Variants in TLE2 observed in about 807,000 individuals in gnomAD.
TLE2 encodes the protein transducin-like enhancer protein 2.
In TLE2, 74 loss-of-function variants were observed where a neutral mutation model predicts 97.2. The observed-to-expected ratio is 0.76, with a 90% CI of 0.63 to 0.92. The LOEUF (loss-of-function observed/expected upper bound fraction) is 0.92, where lower values mean the gene tolerates loss of function less well. Among genes scored for constraint, TLE2 ranks in the 40% least tolerant of loss-of-function variants. The probability of loss-of-function intolerance (pLI) is 0.00; values close to 1 mark genes in which losing one functional copy is unlikely to be tolerated. For missense variants in TLE2, 1,038 were observed against 1,008.7 expected, an observed-to-expected ratio of 1.03 and a Z score of -0.39; for synonymous variants, 499 against 432.1, an observed-to-expected ratio of 1.15 and a Z score of -1.92.
intron 1 of TLE2, among the ~76,000 whole-genome samples, chr19:3,036,248 T>C (rs532994408): frequency 6.6e-6 from 1 of 151,394 alleles, no homozygotes. Context: ...AGAGCACGGG[T>C]TTTCAGAAAA....
intron 1 of TLE2, among the ~76,000 whole-genome samples, chr19:3,038,593 A>T (rs1287657542): frequency 6.6e-6 from 1 of 152,108 alleles, no homozygotes; most frequent in East Asian, 1.9e-4. Context: ...CATTGCACCC[A>T]CATCCTTGAT....
At chr19:3,036,468 GCCTTTGGCTTCCGA>G (rs1265130192) in intron 1 of TLE2, among the ~76,000 whole-genome samples, 2 of 152,196 alleles carry the variant, frequency 1.3e-5, no homozygotes, top group Non-Finnish European at 2.9e-5. Flanking sequence ...GGGAGGCCAA[GCCTTTGGCTTCCGA>G]CACCGCCAAC....
intron 17 of TLE2, among the ~76,000 whole-genome samples, chr19:3,004,382 G>A (rs1001500120): frequency 3.3e-5 from 5 of 151,864 alleles, no homozygotes; most frequent in African/African-American, 9.7e-5. Context: ...GCTCAGGCCT[G>A]TAATTCCCAC....
rs2089750486 is a variant in TLE2 at position 3,017,968 on chromosome 19, C to T, written c.551-109G>A. The T allele has an allele frequency of 4.2e-6, 4 of 961,138 alleles. No homozygotes were observed. The South Asian group carries it at 6.5e-5, about 16-fold the overall frequency. The allele number at this position is 961,138 out of a possible 1,614,324, so 59.5% of individuals were successfully genotyped here. A position where few individuals can be genotyped will look rare whatever the true frequency, so the allele number is the denominator to read the frequency against. On this transcript the variant is annotated intron_variant, in intron 7 of 19. Coordinates refer to ENST00000262953, the MANE Select transcript of TLE2 (RefSeq NM_003260.5). ...CAGTTTATAAAGCCCCCCGCCCCCA[C>T]CACCCCACTCAGAGTCTCTCTACCC...
Position 3,028,389 on chromosome 19 carries a change from A to C in TLE2, c.123-7T>G, listed in dbSNP as rs1335496007. 1.2e-6 allele frequency: 2 copies of C among 1,600,308 alleles called. No homozygotes were observed. The highest frequency in any genetic ancestry group is 1.7e-6 in the Non-Finnish European group (2 of 1,172,946). Reference sequence around the variant, plus strand: ...CTCACATTCTAGCTTGAGGCTGAGAAGAAGAGAGAGGGCAAGGGGCTCCCA... The same window carrying C: ...CTCACATTCTAGCTTGAGGCTGAGACGAAGAGAGAGGGCAAGGGGCTCCCA... On this transcript the variant is annotated splice_region_variant and splice_polypyrimidine_tract_variant and intron_variant, in intron 2 of 19. Coordinates refer to ENST00000262953, the MANE Select transcript of TLE2 (RefSeq NM_003260.5).
At chr19:3,028,566 C>G in intron 2 of TLE2, 140 bp downstream of exon 2, 2 of 1,082,038 alleles carry the variant, frequency 1.8e-6, no homozygotes, top group Non-Finnish European at 2.7e-6. Context: ...GACCCCTCTG[C>G]ACCTGCGCTT....
At chr19:3,013,904 CA>C in intron 10 of TLE2, 86 bp from the exon 11 acceptor site, 2 of 1,286,612 alleles carry the variant, frequency 1.6e-6, no homozygotes, top group African/African-American at 1.5e-5. Context: ...ACTCCCACCC[CA>C]ATCTCTAGAA....
intron 17 of TLE2, among the ~76,000 whole-genome samples, chr19:3,003,359 C>T (rs1017893036): frequency 2.0e-5 from 3 of 151,896 alleles, no homozygotes; most frequent in African/African-American, 4.8e-5. Context: ...AGGCCTTGGC[C>T]GGGCTCTGTG....
At chr19:3,038,376 T>C (rs4807389) in intron 1 of TLE2, among the ~76,000 whole-genome samples, 35,889 of 151,948 alleles carry the variant, frequency 0.24, 4,327 homozygotes, top group East Asian at 0.31. Flanking sequence ...ACTCAGCTAA[T>C]TTAAAAAAAA....
In TLE2 at chr19:3,009,549, G is replaced by A; in HGVS notation, c.1166C>T (p.Ser389Phe). The change falls in exon 13 of 20, where the codon TCC becomes TTC. Residue 389 changes from serine (S) to phenylalanine (F), a missense_variant. By Grantham distance (155) the Ser-to-Phe change is radical. Transcript: ENST00000262953. ...QVSSSVVYGRSPVMAFESHPH... is the reference protein window; with the variant it reads ...QVSSSVVYGRFPVMAFESHPH... ...CCCCACCCAAGGACTCACCACGGGGGAGCGTCCGTACACCACAGAGCTGCT... is the reference window on the plus strand; with the variant it reads ...CCCCACCCAAGGACTCACCACGGGGAAGCGTCCGTACACCACAGAGCTGCT... 1 of 1,606,532 alleles carries A rather than the reference G, an allele frequency of 6.2e-7. No homozygotes were observed. The highest frequency in any genetic ancestry group is 8.5e-7 in the Non-Finnish European group (1 of 1,176,534).
intron 1 of TLE2, among the ~76,000 whole-genome samples, chr19:3,040,044 C>T (rs776705697): frequency 5.3e-5 from 8 of 152,194 alleles, no homozygotes; most frequent in African/African-American, 7.2e-5. Context: ...ATTTGGGGTG[C>T]GGAAGCAGAG....
intron 5 of TLE2, among the ~76,000 whole-genome samples, chr19:3,020,786 G>T (rs1273939042): frequency 6.6e-6 from 1 of 151,958 alleles, no homozygotes; most frequent in South Asian, 2.1e-4. Flanking sequence ...ACTCTGCTGC[G>T]AGAAAATGTT....
At chr19:3,026,276 G>A (rs947274742) in intron 4 of TLE2, among the ~76,000 whole-genome samples, 28 of 151,714 alleles carry the variant, frequency 1.8e-4, no homozygotes, top group African/African-American at 5.8e-4. Flanking sequence ...GAGAAACCCC[G>A]TCTCTACTAA....
At chr19:3,041,968 C>T (rs1279679030) in intron 1 of TLE2, among the ~76,000 whole-genome samples, 1 of 151,932 alleles carries the variant, frequency 6.6e-6, no homozygotes, top group Non-Finnish European at 1.5e-5. Flanking sequence ...GGCAGGGTCG[C>T]CCGCCCCCTC....
chr19:3,017,263 G>A (rs961207673), intron 8 of TLE2, among the ~76,000 whole-genome samples: 1 of 151,580 alleles, frequency 6.6e-6, no homozygotes, highest in East Asian at 1.9e-4. Context: ...TTGACCTCCC[G>A]AGTAGCTGGG....
intron 11 of TLE2, among the ~76,000 whole-genome samples, chr19:3,012,548 G>A (rs1209570444): frequency 6.6e-6 from 1 of 152,176 alleles, no homozygotes; most frequent in East Asian, 1.9e-4. Context: ...CAAGGAATTA[G>A]AAACTCCGGG....
Position 3,015,680 on chromosome 19 carries a change from T to C in TLE2, c.651A>G (p.Ala217=). The C allele has an allele frequency of 3.1e-6, 5 of 1,610,952 alleles. No individual in the cohort carries two copies. The highest frequency in any genetic ancestry group is 4.2e-6 in the Non-Finnish European group (5 of 1,179,124). ...SGPGGGGKQR[A]DEKEPSGPYE... ...AAGGTCCTGATGGCTCCTTCTCATCTGCTCTCTGCTTCCCGCCACCACCAG... is the reference window on the plus strand; with the variant it reads ...AAGGTCCTGATGGCTCCTTCTCATCCGCTCTCTGCTTCCCGCCACCACCAG... The change falls in exon 9 of 20, where the codon GCA becomes GCG. Residue 217 remains alanine, a synonymous_variant. Coordinates refer to ENST00000262953, the MANE Select transcript of TLE2 (RefSeq NM_003260.5).
chr19:3,043,232 C>T (rs2090117387), intron 1 of TLE2, among the ~76,000 whole-genome samples: 1 of 152,080 alleles, frequency 6.6e-6, no homozygotes, highest in Non-Finnish European at 1.5e-5. Context: ...CCTCCCGCCT[C>T]AGCCTCCCAA....
intron 5 of TLE2, 25 bp downstream of exon 5, chr19:3,024,995 T>G (rs1599240137): frequency 7.6e-6 from 6 of 790,150 alleles, no homozygotes; most frequent in African/African-American, 1.8e-5. Flanking sequence ...CTTCCCCTCC[T>G]CCCCCCACCC....
Sources: gnomAD v4.1 joint callset for allele counts (sites outside exome capture counted in the v4.1 genomes callset) on GRCh38, gnomAD v4.1.1 for gene constraint, MANE v1.5 for transcripts, NCBI Gene and HGNC (gene_info 2026-07-23, HGNC 2026-07-21) for gene names.